The following LMLN variants were observed in gnomAD, a reference collection of about 807,000 sequenced individuals.
LMLN encodes the protein leishmanolysin like peptidase.
LMLN carries 70 observed loss-of-function variants against 92.3 expected under a neutral mutation model. The ratio of observed to expected loss-of-function variants is 0.76; its 90% CI spans 0.63 to 0.92. LMLN has a LOEUF of 0.92. LMLN is among the 40% of genes least tolerant of loss of function. LMLN has a pLI of 0.00. For missense variants in LMLN, 691 were observed against 814.6 expected (o/e 0.85, Z 1.85); for synonymous variants, 308 against 296.2 (o/e 1.04, Z -0.41).
At chr3:198,039,707 G>T (rs556369266) in exon 16 of LMLN, 1 of 151,964 alleles carries the variant, frequency 6.6e-6, no homozygotes, top group Admixed American at 6.6e-5. Context: ...TGATTTAACC[G>T]TGCTTGCCCT....
intron 11 of LMLN, among the ~76,000 whole-genome samples, chr3:198,007,294 A>G (rs965285153): frequency 2.6e-5 from 4 of 152,162 alleles, no homozygotes; most frequent in African/African-American, 9.6e-5. Context: ...TGTTTTTTTC[A>G]AAAGTTTTGT....
intron 14 of LMLN, among the ~76,000 whole-genome samples, chr3:198,028,102 G>A (rs186859428): frequency 8.7e-4 from 133 of 152,208 alleles, no homozygotes; most frequent in Non-Finnish European, 1.5e-3. Context: ...CTTCCGCACC[G>A]TCAGCATCCT....
At chr3:197,992,002 C>T (rs991885060) in intron 9 of LMLN, among the ~76,000 whole-genome samples, 5 of 149,536 alleles carry the variant, frequency 3.3e-5, no homozygotes, top group Admixed American at 2.7e-4. Flanking sequence ...GCTGGAATTA[C>T]AGGCTCCCAC....
chr3:197,987,381 G>A (rs573162019), intron 8 of LMLN, among the ~76,000 whole-genome samples: 71 of 150,104 alleles, frequency 4.7e-4, no homozygotes, highest in African/African-American at 1.4e-3. Context: ...GGATGATCTC[G>A]ATCTGCTGAC....
intron 11 of LMLN, among the ~76,000 whole-genome samples, chr3:198,012,312 G>A (rs1469566741): frequency 2.0e-5 from 3 of 152,164 alleles, no homozygotes; most frequent in Non-Finnish European, 2.9e-5. Context: ...TGATCTGCCC[G>A]CCCTGGCTTC....
intron 14 of LMLN, among the ~76,000 whole-genome samples, chr3:198,035,361 GTTTTTT>G (rs10679322): frequency 1.7e-5 from 2 of 117,706 alleles, no homozygotes. Context: ...CCCTCTTTTG[GTTTTTT>G]TTTTTTTTTT....
chr3:197,976,962 C>T (rs543463721), intron 5 of LMLN, among the ~76,000 whole-genome samples: 2 of 152,204 alleles, frequency 1.3e-5, no homozygotes, highest in Non-Finnish European at 2.9e-5. Flanking sequence ...ATCACTTTAG[C>T]TTAGAACATT....
At chr3:197,961,089 C>G (rs904087826) in intron 1 of LMLN, among the ~76,000 whole-genome samples, 6 of 152,188 alleles carry the variant, frequency 3.9e-5, no homozygotes, top group Non-Finnish European at 8.8e-5. Context: ...AGGCAGCCTG[C>G]TGAAACCACC....
At chr3:198,035,927 T>C in exon 15 of LMLN, 3 of 1,614,074 alleles carry the variant, frequency 1.9e-6, no homozygotes, top group Non-Finnish European at 1.7e-6. Flanking sequence ...AGTATCCAGA[T>C]GAATGGCTGG....
intron 11 of LMLN, among the ~76,000 whole-genome samples, chr3:198,006,407 A>G (rs998314671): frequency 2.6e-5 from 4 of 152,184 alleles, no homozygotes; most frequent in African/African-American, 9.7e-5. Flanking sequence ...GTGTGAACAT[A>G]TATCTTTATT....
intron 15 of LMLN, among the ~76,000 whole-genome samples, chr3:198,036,771 AT>A (rs534420661): frequency 1.5e-3 from 236 of 152,376 alleles, no homozygotes; most frequent in African/African-American, 5.4e-3. Flanking sequence ...GAATTCATCA[AT>A]TCACAATTAA....
At chr3:197,999,910 C>G (rs1722125387) in intron 11 of LMLN, among the ~76,000 whole-genome samples, 1 of 151,790 alleles carries the variant, frequency 6.6e-6, no homozygotes. Context: ...GGGGCTGAGC[C>G]CATATGAAGG....
intron 11 of LMLN, among the ~76,000 whole-genome samples, chr3:198,007,461 T>C (rs1722326332): frequency 6.6e-6 from 1 of 151,052 alleles, no homozygotes; most frequent in East Asian, 1.9e-4. Context: ...ATTGCTTTTG[T>C]GCCTTTGGCA....
At chr3:197,988,459 T>C (rs1721774401) in intron 8 of LMLN, among the ~76,000 whole-genome samples, 1 of 150,620 alleles carries the variant, frequency 6.6e-6, no homozygotes, top group Admixed American at 6.6e-5. Flanking sequence ...ATAATTGTTA[T>C]ATCTTTATGC....
chr3:198,027,625 C>G (rs187024796), intron 14 of LMLN, among the ~76,000 whole-genome samples: 1 of 152,152 alleles, frequency 6.6e-6, no homozygotes, highest in Non-Finnish European at 1.5e-5. Context: ...CCTTTTGTAC[C>G]TGACTCCTTT....
rs1298409234 is a variant in LMLN, at chr3:198,025,483, C to A, written c.1656+695C>A. Among the ~76,000 whole-genome samples, 2 of 152,064 alleles carry A rather than the reference C, an allele frequency of 1.3e-5. No individual in the cohort carries two copies. Among genetic ancestry groups the A allele is most frequent in the African/African-American group, 4.8e-5 (2 of 41,414 alleles). Reference sequence around the variant, plus strand: ...ACCTCCTGGGTTCAAGCGACCTTCCCACCTCAGCCTCCTGAGGAGCTGGGA... The same window carrying A: ...ACCTCCTGGGTTCAAGCGACCTTCCAACCTCAGCCTCCTGAGGAGCTGGGA... On this transcript the variant is annotated intron_variant, in intron 14 of 15. Coordinates refer to ENST00000330198, the Ensembl canonical transcript of LMLN. This position sits in a 1 kb window ranked among gnomAD's most constrained non-coding sequence, Gnocchi z 4.3.
At chr3:198,036,328 C>T (rs768389593) in intron 15 of LMLN, among the ~76,000 whole-genome samples, 1 of 152,032 alleles carries the variant, frequency 6.6e-6, no homozygotes. Flanking sequence ...ACGTTGTATC[C>T]ATTCATTTGG....
At chr3:197,980,631 C>T in intron 6 of LMLN, 127 bp downstream of exon 6, 1 of 880,750 alleles carries the variant, frequency 1.1e-6, no homozygotes, top group Non-Finnish European at 1.7e-6. Flanking sequence ...ACAGGAATAG[C>T]ATGCTGCCTG....
At chr3:198,003,629 TTATC>T (rs1266435288) in intron 11 of LMLN, among the ~76,000 whole-genome samples, 3 of 113,384 alleles carry the variant, frequency 2.6e-5, no homozygotes, top group South Asian at 2.5e-4. Flanking sequence ...AAGTTTGACA[TTATC>T]TATATATCAT....
Sources: gnomAD v4.1 joint callset for allele counts (sites outside exome capture counted in the v4.1 genomes callset) on GRCh38, gnomAD v4.1.1 for gene constraint, Gnocchi (gnomAD v3.1) non-coding constraint, MANE v1.5 for transcripts, NCBI Gene and HGNC (gene_info 2026-07-23, HGNC 2026-07-21) for gene names.